POF1B: variants seen among roughly 807,000 people sequenced by gnomAD.
The protein encoded by POF1B is POF1B actin binding protein.
A neutral mutation model predicts 55.3 loss-of-function variants in POF1B; 53 were observed. That is an observed-to-expected ratio of 0.96 (90% CI 0.77 to 1.20). The LOEUF is 1.20. POF1B is among the 50% of genes most tolerant of loss of function. POF1B has a pLI of 0.00. For synonymous variants in POF1B, 188 were observed against 148.3 expected (o/e 1.27, Z -1.95); for missense variants, 478 against 420.5 (o/e 1.14, Z -1.20).
At chrX:85,320,513 A>G (rs188883737) in intron 7 of POF1B, among the ~76,000 whole-genome samples, 12 of 111,485 alleles carry the variant, frequency 1.1e-4, no homozygotes, top group African/African-American at 3.6e-4. Context: ...TTGACACCGT[A>G]ACATCACAAT....
At chrX:85,285,087 G>A (rs887106435) in intron 15 of POF1B, among the ~76,000 whole-genome samples, 13 of 111,877 alleles carry the variant, frequency 1.2e-4, no homozygotes, top group African/African-American at 4.2e-4. Flanking sequence ...TCAGAGAAAT[G>A]CAAATTAAAA....
intron 6 of POF1B, among the ~76,000 whole-genome samples, chrX:85,340,608 T>C (rs1933153252): frequency 9.0e-6 from 1 of 110,563 alleles, no homozygotes; most frequent in Non-Finnish European, 1.9e-5. Flanking sequence ...ATGAAGACAG[T>C]GTGGGAAAGG....
intron 5 of POF1B, among the ~76,000 whole-genome samples, chrX:85,346,905 A>G (rs1933284112): frequency 9.0e-6 from 1 of 111,325 alleles, no homozygotes; most frequent in Non-Finnish European, 1.9e-5. Flanking sequence ...ATAGTAATGC[A>G]GCTAATTAAT....
At chrX:85,361,955 C>CGTGTGTGTGT (rs3049233) in intron 3 of POF1B, among the ~76,000 whole-genome samples, 11 of 94,260 alleles carry the variant, frequency 1.2e-4, no homozygotes, top group African/African-American at 3.4e-4. Flanking sequence ...CTAGGTATTT[C>CGTGTGTGTGT]GTGTGTGTGT....
At chrX:85,303,172 T>C (rs1932495656) in intron 15 of POF1B, among the ~76,000 whole-genome samples, 1 of 111,375 alleles carries the variant, frequency 9.0e-6, no homozygotes, top group South Asian at 3.7e-4. Context: ...AAAACAATTA[T>C]TTGTTTTTCA....
At chrX:85,372,781 A>G (rs1005802660) in intron 2 of POF1B, among the ~76,000 whole-genome samples, 1 of 103,151 alleles carries the variant, frequency 9.7e-6, no homozygotes, top group Admixed American at 1.1e-4. Context: ...TACTATATAT[A>G]TATATACTTT....
intron 7 of POF1B, 122 bp downstream of exon 7, chrX:85,330,827 T>A (rs1305447781): frequency 8.1e-5 from 54 of 666,243 alleles, no homozygotes; most frequent in Non-Finnish European, 1.1e-4. Flanking sequence ...TTAAAAAAAA[T>A]AAAATAGAAA....
intron 6 of POF1B, among the ~76,000 whole-genome samples, chrX:85,333,301 T>G (rs187466510): frequency 1.8e-5 from 2 of 111,523 alleles, no homozygotes; most frequent in African/African-American, 3.2e-5. Context: ...ACAAGCTAAT[T>G]CAATTCAGCT....
chrX:85,354,649 C>A (rs1233543742), intron 4 of POF1B, among the ~76,000 whole-genome samples: 2 of 110,846 alleles, frequency 1.8e-5, no homozygotes, highest in African/African-American at 6.6e-5. Flanking sequence ...CACAAGCATT[C>A]TTATACAGCA....
chrX:85,358,909 T>G (rs1003365870), intron 4 of POF1B, among the ~76,000 whole-genome samples: 3 of 111,501 alleles, frequency 2.7e-5, no homozygotes, highest in African/African-American at 9.7e-5. Flanking sequence ...ACAAGTTAGA[T>G]TACTTTTCGT....
rs1382275631 is a variant in POF1B, at chrX:85,364,964, C to G, written c.357+2728G>C. ...TTCATTCCTTTTCATTCTTTTTTTT[C>G]TTTATTTTTGTCTGACTGTCTTATT... is the stretch of plus-strand genomic sequence containing the variant. On this transcript the variant is annotated intron_variant, in intron 3 of 16. Coordinates refer to ENST00000262753, the MANE Select transcript of POF1B (RefSeq NM_024921.4). Among the ~76,000 whole-genome samples the G allele has an allele frequency of 5.4e-5, 6 of 110,425 alleles. No homozygotes were observed. The Admixed American group carries it at 5.8e-4, about 11-fold the overall frequency.
At chrX:85,363,798 C>T (rs1420454376) in intron 3 of POF1B, among the ~76,000 whole-genome samples, 3 of 111,105 alleles carry the variant, frequency 2.7e-5, no homozygotes, top group Non-Finnish European at 5.7e-5. Context: ...ACCTGAGTAT[C>T]TTTGTTAATT....
chrX:85,354,028 T>C (rs992711231), intron 4 of POF1B, among the ~76,000 whole-genome samples: 1 of 110,560 alleles, frequency 9.0e-6, no homozygotes, highest in African/African-American at 3.3e-5. Context: ...GGAAAAAAAT[T>C]ATGCAGTCAT....
intron 2 of POF1B, among the ~76,000 whole-genome samples, chrX:85,370,944 A>C (rs967021289): frequency 8.9e-6 from 1 of 111,769 alleles, no homozygotes; most frequent in Non-Finnish European, 1.9e-5. Context: ...GAAACTATTA[A>C]ATTCAATGAA....
intron 10 of POF1B, among the ~76,000 whole-genome samples, 183 bp downstream of exon 10, chrX:85,307,941 T>C (rs5923287): frequency 8.9e-6 from 1 of 111,898 alleles, no homozygotes; most frequent in Non-Finnish European, 1.9e-5. Flanking sequence ...ATTTATACTT[T>C]GGATACCTCT....
chrX:85,318,720 T>C (rs1932808996), intron 7 of POF1B, among the ~76,000 whole-genome samples: 1 of 111,615 alleles, frequency 9.0e-6, no homozygotes. Context: ...TTCTGTTCTA[T>C]GGGTCTGTGT....
Position 85,367,770 on chromosome X carries a change from T to A in POF1B, c.283-4A>T, listed in dbSNP as rs746552165. ...TTAAAGTTGGAGAATGGAGTTCCTGTTAAGAGAAACAAAAGGGAGTTCAGA... is the reference window on the plus strand; with the variant it reads ...TTAAAGTTGGAGAATGGAGTTCCTGATAAGAGAAACAAAAGGGAGTTCAGA... On this transcript the variant is annotated splice_polypyrimidine_tract_variant and splice_region_variant and intron_variant, in intron 2 of 16. Transcript: ENST00000262753. 9.0e-7 allele frequency: 1 copy of A among 1,116,923 alleles called. No individual in the cohort carries two copies. Among genetic ancestry groups the A allele is most frequent in the African/African-American group, 1.9e-5 (1 of 53,430 alleles). The allele number at this position is 1,116,923 out of a possible 1,213,427, so 92.0% of individuals were successfully genotyped here.
rs1220680696 is a variant in POF1B, at chrX:85,366,214, AG to A, written c.357+1477del. On this transcript the variant is annotated intron_variant, in intron 3 of 16. Coordinates refer to ENST00000262753, the MANE Select transcript of POF1B (RefSeq NM_024921.4). Reference sequence around the variant, plus strand: ...GCAGGGCAGGTATTCTCTTATGGAGAGGGGGAAGATTGAATAATCATCCATA... The same window carrying A: ...GCAGGGCAGGTATTCTCTTATGGAGAGGGGAAGATTGAATAATCATCCATA... 7.2e-5 allele frequency among the ~76,000 whole-genome samples: 8 copies of A among 111,665 alleles called. 1 individual carries two copies. In the Middle Eastern group the frequency reaches 0.019, roughly 260 times the overall value.
At chrX:85,306,493 A>G (rs901993495) in intron 11 of POF1B, among the ~76,000 whole-genome samples, 160 bp from the exon 12 acceptor site, 1 of 111,333 alleles carries the variant, frequency 9.0e-6, no homozygotes, top group African/African-American at 3.3e-5. Context: ...CCCATGTAAG[A>G]TATTATAGTG....
Sources: gnomAD v4.1 joint callset for allele counts (sites outside exome capture counted in the v4.1 genomes callset) on GRCh38, gnomAD v4.1.1 for gene constraint, MANE v1.5 for transcripts, NCBI Gene and HGNC (gene_info 2026-07-23, HGNC 2026-07-21) for gene names.